The following KIF4A variants were observed in gnomAD, a reference collection of about 807,000 sequenced individuals.
KIF4A encodes the protein chromosome-associated kinesin KIF4A.
Under a neutral mutation model 105.9 loss-of-function variants are expected in KIF4A, and 7 were observed. The observed-to-expected ratio is 0.07, with a 90% CI of 0.04 to 0.12. KIF4A has a LOEUF of 0.12. KIF4A is among the 10% of genes least tolerant of loss of function. KIF4A has a pLI of 1.00. For missense variants in KIF4A, 558 were observed against 929.2 expected (o/e 0.60, Z 5.19); for synonymous variants, 281 against 331.3 (o/e 0.85, Z 1.65).
intron 15 of KIF4A, among the ~76,000 whole-genome samples, chrX:70,370,532 CAT>C (rs1234754170): frequency 3.7e-5 from 4 of 106,962 alleles, no homozygotes; most frequent in South Asian, 7.7e-4. Flanking sequence ...TAGAATATAT[CAT>C]ATATATTCTG....
intron 4 of KIF4A, among the ~76,000 whole-genome samples, chrX:70,298,671 C>T (rs1448479478): frequency 8.9e-6 from 1 of 112,418 alleles, no homozygotes; most frequent in Non-Finnish European, 1.9e-5. Flanking sequence ...ATGTGCTAAA[C>T]ACTGTTCTAA....
Position 70,386,603 on chromosome X carries a change from C to T in KIF4A, c.2035-15C>T. 1 of 1,186,923 alleles carries T rather than the reference C, an allele frequency of 8.4e-7. No individual in the cohort carries two copies. The highest frequency in any genetic ancestry group is 1.8e-5 in the South Asian group (1 of 56,249). On this transcript the variant is annotated splice_polypyrimidine_tract_variant and intron_variant, in intron 18 of 30. Transcript: ENST00000374403. Reference sequence around the variant, plus strand: ...TAGCTGAACAGCAATTAATATCTGACTTTTTTCTTGTCAGGACCGTAAGAG... The same window carrying T: ...TAGCTGAACAGCAATTAATATCTGATTTTTTTCTTGTCAGGACCGTAAGAG...
At chrX:70,368,580 A>G (rs771882364) in intron 15 of KIF4A, among the ~76,000 whole-genome samples, 7 of 112,040 alleles carry the variant, frequency 6.2e-5, no homozygotes, top group Non-Finnish European at 1.3e-4. Flanking sequence ...GGTGGACACC[A>G]AATGTCGCTG....
intron 3 of KIF4A, among the ~76,000 whole-genome samples, chrX:70,296,537 CTG>C (rs1336991703): frequency 8.9e-6 from 1 of 112,538 alleles, no homozygotes; most frequent in African/African-American, 3.2e-5. Flanking sequence ...CTTTCATTGA[CTG>C]TAAAAAGCAA....
At chrX:70,360,927 C>T (rs900036494) in intron 15 of KIF4A, among the ~76,000 whole-genome samples, 11 of 112,885 alleles carry the variant, frequency 9.7e-5, no homozygotes, top group African/African-American at 3.5e-4. Context: ...AAGAGGAGGG[C>T]CCTCCCCCAT....
At chrX:70,357,914 A>G (rs766753491) in intron 15 of KIF4A, among the ~76,000 whole-genome samples, 1 of 109,525 alleles carries the variant, frequency 9.1e-6, no homozygotes, top group African/African-American at 3.3e-5. Context: ...TGTTGTTATT[A>G]TTGTTGTTTT....
chrX:70,394,205 C>CTTT (rs376526687), intron 20 of KIF4A, among the ~76,000 whole-genome samples: 1 of 97,763 alleles, frequency 1.0e-5, no homozygotes, highest in African/African-American at 3.7e-5. Context: ...TTGGGTCTAG[C>CTTT]TTTTTTTTTT....
At chrX:70,339,389 C>T (rs2085964005) in intron 10 of KIF4A, among the ~76,000 whole-genome samples, 1 of 111,593 alleles carries the variant, frequency 9.0e-6, no homozygotes, top group Non-Finnish European at 1.9e-5. Context: ...GTCTGGGTTT[C>T]CTGATTACAT....
At chrX:70,318,528 A>T (rs1436884987) in intron 7 of KIF4A, among the ~76,000 whole-genome samples, 1 of 111,961 alleles carries the variant, frequency 8.9e-6, no homozygotes, top group Admixed American at 9.4e-5. Context: ...ATTTTCTAGG[A>T]TATGTACCTA....
intron 18 of KIF4A, among the ~76,000 whole-genome samples, chrX:70,378,164 T>C (rs1279625508): frequency 9.0e-6 from 1 of 110,545 alleles, no homozygotes; most frequent in Non-Finnish European, 1.9e-5. Context: ...GCTAAAACAG[T>C]GTTTGGAGGG....
rs140065440 is a variant in KIF4A, at chrX:70,420,205, T to C, written c.3639T>C (p.Ala1213=). Residue 1213 remains alanine, a synonymous_variant, in exon 31 of 31, where the codon GCT becomes GCC. Transcript: ENST00000374403. The part of the protein sequence containing the change: ...NKAPGKKKKR[A]LASNTSFFSG... ...CTCCAGGGAAGAAAAAGAAACGGGC[T>C]CTGGCCAGCAACACCAGCTTCTTCT... 3 of 1,210,905 alleles carry C rather than the reference T, an allele frequency of 2.5e-6. No individual in the cohort carries two copies. The highest frequency in any genetic ancestry group is 3.4e-6 in the Non-Finnish European group (3 of 895,409).
chrX:70,418,024 C>T lies in KIF4A; in HGVS notation c.3372+20C>T, dbSNP rs769390599. 7 of 1,150,097 alleles carry T rather than the reference C, an allele frequency of 6.1e-6. No homozygotes were observed. Among genetic ancestry groups the T allele is most frequent in the South Asian group, 1.9e-5 (1 of 51,460 alleles). The allele number at this position is 1,150,097 out of a possible 1,213,427, so 94.8% of individuals were successfully genotyped here. On this transcript the variant is annotated intron_variant, in intron 29 of 30. Transcript: ENST00000374403. Reference sequence around the variant, plus strand: ...GGCAAGGTAGGATCAGGGCTGTTTCCTCTCCCCTTCCCTTCAGACCTTCCT... The same window carrying T: ...GGCAAGGTAGGATCAGGGCTGTTTCTTCTCCCCTTCCCTTCAGACCTTCCT...
rs2086165997 is a variant in KIF4A, at chrX:70,374,216, T to C, written c.1740T>C (p.Leu580=). 12 of 1,202,761 alleles carry C rather than the reference T, an allele frequency of 1.0e-5. No homozygotes were observed. The Middle Eastern group carries it at 6.9e-4, about 69-fold the overall frequency. Residue 580 remains leucine (L), a synonymous_variant, in exon 16 of 31, where the codon CTT becomes CTC. Coordinates refer to ENST00000374403, the MANE Select transcript of KIF4A (RefSeq NM_012310.5). ...AAAAGGAAAAGGAAGAATTGGTTCT[T>C]GAACTTCAGACAGCAAAGAAGGATG... ...NLQKEKEELV[L]ELQTAKKDAN...
intron 20 of KIF4A, among the ~76,000 whole-genome samples, chrX:70,393,344 G>A (rs1471803337): frequency 9.0e-6 from 1 of 110,788 alleles, no homozygotes; most frequent in African/African-American, 3.3e-5. Context: ...TTATTTTATG[G>A]CCCAGAGTAT....
intron 6 of KIF4A, 49 bp from the exon 7 acceptor site, chrX:70,302,255 T>C (rs1236948956): frequency 8.5e-7 from 1 of 1,181,729 alleles, no homozygotes; most frequent in South Asian, 1.8e-5. Context: ...ATTCAGTTAC[T>C]CTCAAGCTTG....
chrX:70,324,261 A>T (rs748113615), intron 7 of KIF4A, among the ~76,000 whole-genome samples: 1 of 112,172 alleles, frequency 8.9e-6, no homozygotes, highest in African/African-American at 3.2e-5. Context: ...TCTTTGTCAT[A>T]GTGTTCTTTC....
At chrX:70,335,023 T>G (rs1445340537) in intron 10 of KIF4A, among the ~76,000 whole-genome samples, 2 of 111,841 alleles carry the variant, frequency 1.8e-5, no homozygotes, top group Admixed American at 1.9e-4. Flanking sequence ...TACCATATGA[T>G]CCAGCAATCC....
chrX:70,392,105 G>T (rs1229816000), intron 20 of KIF4A, among the ~76,000 whole-genome samples: 1 of 111,591 alleles, frequency 9.0e-6, no homozygotes, highest in Admixed American at 9.6e-5. Context: ...TGTTCATGAG[G>T]GATATTGGTG....
At chrX:70,290,362 G>C (rs1023943873) in intron 1 of KIF4A, 76 bp from the exon 2 acceptor site, 20 of 1,112,351 alleles carry the variant, frequency 1.8e-5, no homozygotes, top group Non-Finnish European at 2.4e-5. Context: ...AGGAGGGTCG[G>C]AACCGGGGAG....
Sources: gnomAD v4.1 joint callset for allele counts (sites outside exome capture counted in the v4.1 genomes callset) on GRCh38, gnomAD v4.1.1 for gene constraint, MANE v1.5 for transcripts, NCBI Gene and HGNC (gene_info 2026-07-23, HGNC 2026-07-21) for gene names.